The following LARGE1 variants were observed in gnomAD, a reference collection of about 807,000 sequenced individuals.
The protein encoded by LARGE1 is xylosyl- and glucuronyltransferase LARGE1.
In LARGE1, 43 loss-of-function variants were observed where a neutral mutation model predicts 87.6. That is an observed-to-expected ratio of 0.49 (90% CI 0.38 to 0.63). LARGE1 has a LOEUF of 0.63. LARGE1 is among the 30% of genes least tolerant of loss of function. The probability of loss-of-function intolerance (pLI) is 0.00; values close to 1 mark genes in which losing one functional copy is unlikely to be tolerated. For synonymous variants in LARGE1, 434 were observed against 394.6 expected, an observed-to-expected ratio of 1.10 and a Z score of -1.18; for missense variants, 802 against 1,000.2, an observed-to-expected ratio of 0.80 and a Z score of 2.67.
intron 6 of LARGE1, among the ~76,000 whole-genome samples, chr22:33,539,619 T>C (rs1307656183): frequency 2.6e-5 from 4 of 151,294 alleles, no homozygotes; most frequent in Non-Finnish European, 5.9e-5. Flanking sequence ...AGACAGGGTC[T>C]CGCTCCACTA....
At chr22:33,884,710 CT>C (rs1402695756) in intron 1 of LARGE1, among the ~76,000 whole-genome samples, 2 of 152,202 alleles carry the variant, frequency 1.3e-5, no homozygotes, top group Admixed American at 6.5e-5. Flanking sequence ...CCTCCACCTC[CT>C]GCAAATCACC....
At chr22:33,264,512 T>C (rs1927818349) in intron 11 of LARGE1, among the ~76,000 whole-genome samples, 2 of 152,002 alleles carry the variant, frequency 1.3e-5, no homozygotes, top group South Asian at 4.2e-4. Flanking sequence ...ATACAAAAAT[T>C]AGCCCACTTG....
intron 9 of LARGE1, among the ~76,000 whole-genome samples, chr22:33,371,477 T>A (rs1042159438): frequency 6.6e-6 from 1 of 152,196 alleles, no homozygotes; most frequent in Non-Finnish European, 1.5e-5. Flanking sequence ...TAATATTGGT[T>A]TAATAAAAAC....
At chr22:33,267,127 C>G (rs1372576226) in intron 11 of LARGE1, among the ~76,000 whole-genome samples, 1 of 151,662 alleles carries the variant, frequency 6.6e-6, no homozygotes, top group Non-Finnish European at 1.5e-5. Flanking sequence ...GTAATCCCAG[C>G]TACTCAGGAG....
chr22:33,909,671 T>A (rs1251461175), intron 1 of LARGE1, among the ~76,000 whole-genome samples: 1 of 152,114 alleles, frequency 6.6e-6, no homozygotes, highest in Admixed American at 6.6e-5. Flanking sequence ...CCCGAGTAGC[T>A]GGGACTACAG....
At chr22:33,793,887 T>A (rs1217107610) in intron 1 of LARGE1, among the ~76,000 whole-genome samples, 1 of 151,946 alleles carries the variant, frequency 6.6e-6, no homozygotes, top group African/African-American at 2.4e-5. Context: ...TGCAAATGGA[T>A]CTAAAAATAA....
At chr22:33,325,500 G>A (rs146152566) in intron 10 of LARGE1, among the ~76,000 whole-genome samples, 201 of 152,354 alleles carry the variant, frequency 1.3e-3, no homozygotes, top group African/African-American at 4.7e-3. Context: ...GACAAAAGGA[G>A]CCTGGGTCCT....
chr22:33,584,947 T>C (rs1265300846), intron 5 of LARGE1, among the ~76,000 whole-genome samples: 1 of 152,114 alleles, frequency 6.6e-6, no homozygotes, highest in Non-Finnish European at 1.5e-5. Flanking sequence ...TGAAACCCTG[T>C]CTCTACTAAA....
chr22:33,782,746 T>A (rs948196973), intron 1 of LARGE1, among the ~76,000 whole-genome samples: 1 of 151,884 alleles, frequency 6.6e-6, no homozygotes, highest in African/African-American at 2.4e-5. Context: ...GTGCCTGTAA[T>A]CCCAGCTACT....
At chr22:33,599,709 C>G (rs114693837) in intron 5 of LARGE1, among the ~76,000 whole-genome samples, 1 of 152,160 alleles carries the variant, frequency 6.6e-6, no homozygotes, top group Non-Finnish European at 1.5e-5. Flanking sequence ...AAGGGGCCCA[C>G]AGGAACATTT....
chr22:33,831,283 C>T (rs2413204), intron 1 of LARGE1, among the ~76,000 whole-genome samples: 128,815 of 151,956 alleles, frequency 0.85, 54,710 homozygotes, highest in African/African-American at 0.89. Context: ...GGCAAAGTTG[C>T]GACACAAAAA....
intron 1 of LARGE1, among the ~76,000 whole-genome samples, chr22:33,881,313 C>T (rs1038628852): frequency 6.6e-6 from 1 of 152,156 alleles, no homozygotes; most frequent in African/African-American, 2.4e-5. Flanking sequence ...CCCAGAAGTC[C>T]CTGCACTAAA....
At chr22:33,842,172 T>A (rs1174412946) in intron 1 of LARGE1, among the ~76,000 whole-genome samples, 1 of 152,202 alleles carries the variant, frequency 6.6e-6, no homozygotes, top group Non-Finnish European at 1.5e-5. Flanking sequence ...AGCTTTTTGA[T>A]CTATTTTTGT....
At chr22:33,123,865 C>G in the LARGE1 span, among the ~76,000 whole-genome samples, 2 of 152,190 alleles carry the variant, frequency 1.3e-5, no homozygotes, top group Non-Finnish European at 2.9e-5. Context: ...GCCTAGGTGA[C>G]CCCCAGCTTG....
chr22:33,100,708 A>C, the LARGE1 span, among the ~76,000 whole-genome samples: 1 of 152,152 alleles, frequency 6.6e-6, no homozygotes. Context: ...CTGCATTTCT[A>C]ATTAGCTCCC....
intron 6 of LARGE1, among the ~76,000 whole-genome samples, chr22:33,513,812 T>TACACACACACACATACACACACACACAC (rs111795849): frequency 3.5e-5 from 5 of 143,180 alleles, no homozygotes; most frequent in African/African-American, 1.3e-4. Context: ...AGAGCTGATG[T>TACACACACACACATACACACACACACAC]ACACACACAC....
At chr22:33,365,465 C>T (rs2064550439) in intron 9 of LARGE1, among the ~76,000 whole-genome samples, 1 of 152,140 alleles carries the variant, frequency 6.6e-6, no homozygotes, top group South Asian at 2.1e-4. Context: ...TATATCTTTT[C>T]ATGTGTTTAT....
intron 1 of LARGE1, among the ~76,000 whole-genome samples, chr22:33,863,436 C>T (rs142699375): frequency 9.7e-4 from 147 of 152,138 alleles, no homozygotes; most frequent in African/African-American, 3.3e-3. Context: ...TTCTAGAAGA[C>T]CCTGTAAGTT....
chr22:33,271,806 G>A (rs889210124), downstream of LARGE1, among the ~76,000 whole-genome samples: 3 of 152,220 alleles, frequency 2.0e-5, no homozygotes, highest in African/African-American at 7.2e-5. Context: ...CTCTGTTGAA[G>A]TTGGGCATCC....
Sources: gnomAD v4.1 joint callset for allele counts (sites outside exome capture counted in the v4.1 genomes callset) on GRCh38, gnomAD v4.1.1 for gene constraint, MANE v1.5 for transcripts, NCBI Gene and HGNC (gene_info 2026-07-23, HGNC 2026-07-21) for gene names.